Variants in NIPA2 observed in about 807,000 individuals in gnomAD.
The protein encoded by NIPA2 is NIPA magnesium transporter 2, also known as magnesium transporter NIPA2.
In NIPA2, 11 loss-of-function variants were observed where a neutral mutation model predicts 29.7. That is an observed-to-expected ratio of 0.37 (90% CI 0.23 to 0.61). NIPA2 has a LOEUF of 0.61. Among genes scored for constraint, NIPA2 ranks in the 20% least tolerant of loss-of-function variants. NIPA2 has a pLI of 0.66. For missense variants in NIPA2, 426 were observed against 437.9 expected (o/e 0.97, Z 0.24); for synonymous variants, 183 against 161.9 (o/e 1.13, Z -0.99).
intron 5 of NIPA2, among the ~76,000 whole-genome samples, chr15:22,857,835 T>TC (rs1402486909): frequency 3.9e-5 from 2 of 51,578 alleles, no homozygotes; most frequent in Non-Finnish European, 5.9e-5. Context: ...AGACTCCATC[T>TC]CAAAAAAAAA....
Position 22,866,667 on chromosome 15 carries a change from C to A in NIPA2, c.903C>A (p.Asp301Glu). The part of the protein sequence containing the change: ...VGIFLLHAFK[D>E]VSFSLASLPV... ...TATTCTTGTTGCATGCCTTTAAAGA[C>A]GTCAGCTTTAGTCTAGCAAGTCTGC... The change falls in exon 8 of 8, where the codon GAC becomes GAA. Residue 301 changes from aspartate (D) to glutamate (E), a missense_variant. Physicochemically the swap from Asp to Glu is conservative, Grantham distance 45 (BLOSUM62 2). This residue lies in a region of NIPA2 where 357 missense variants were observed against 339.8 expected (regional missense o/e 1.05). Transcript: ENST00000337451. 1 of 1,613,994 alleles carries A rather than the reference C, an allele frequency of 6.2e-7. No homozygotes were observed.
chr15:22,862,128 T>C (rs2058671732), intron 7 of NIPA2, among the ~76,000 whole-genome samples: 1 of 146,496 alleles, frequency 6.8e-6, no homozygotes, highest in Admixed American at 7.0e-5. Flanking sequence ...GCTCACTGCA[T>C]CCTCCGCCTC....
intron 2 of NIPA2, among the ~76,000 whole-genome samples, chr15:22,844,710 C>T (rs1054447078): frequency 2.0e-5 from 3 of 152,112 alleles, no homozygotes; most frequent in Non-Finnish European, 4.4e-5. Flanking sequence ...GCGATGATCG[C>T]GCCACTGCAC....
At chr15:22,840,601 A>T (rs1037061168) in intron 2 of NIPA2, among the ~76,000 whole-genome samples, 1 of 151,828 alleles carries the variant, frequency 6.6e-6, no homozygotes, top group South Asian at 2.1e-4. Context: ...CGCCCGACCT[A>T]AGAGCTCTAA....
chr15:22,849,866 G>GTTA (rs1386769623), intron 3 of NIPA2, among the ~76,000 whole-genome samples: 1 of 151,984 alleles, frequency 6.6e-6, no homozygotes, highest in African/African-American at 2.4e-5. Context: ...CCGACCCAGT[G>GTTA]TTTCAGTATT....
chr15:22,839,481 A>G (rs1896424941), intron 1 of NIPA2, among the ~76,000 whole-genome samples, 174 bp from the exon 2 acceptor site: 1 of 152,208 alleles, frequency 6.6e-6, no homozygotes, highest in Admixed American at 6.5e-5. Context: ...AGGAAATATC[A>G]GAGTCGAGAG....
intron 3 of NIPA2, among the ~76,000 whole-genome samples, chr15:22,850,571 G>T (rs963144944): frequency 1.3e-5 from 2 of 152,200 alleles, no homozygotes; most frequent in South Asian, 4.1e-4. Flanking sequence ...CTGCAGTAAT[G>T]TTATCACTCC....
rs778414428 is a variant in NIPA2 at position 22,866,186 on chromosome 15, CAT to C, written c.449-26_449-25del. 3.8e-6 allele frequency: 6 copies of C among 1,593,436 alleles called. No homozygotes were observed. In the African/African-American group the frequency reaches 6.7e-5, roughly 18 times the overall value. ...TTTAAGAACAACCAACCATTTGACT[CAT>C]GTAACTTTTCTTTGCCTCCTCCAGG... On this transcript the variant is annotated intron_variant, in intron 7 of 7. Transcript: ENST00000337451.
At chr15:22,843,578 T>C (rs1321559608) in intron 2 of NIPA2, among the ~76,000 whole-genome samples, 1 of 152,126 alleles carries the variant, frequency 6.6e-6, no homozygotes, top group African/African-American at 2.4e-5. Flanking sequence ...AATTAAGGCT[T>C]TGTTGAAATG....
Position 22,858,529 on chromosome 15 carries a change from C to CT in NIPA2, c.197-10dup. On this transcript the variant is annotated splice_polypyrimidine_tract_variant and intron_variant, in intron 5 of 7. Transcript: ENST00000337451. ...CTTACCTGAGTTTTTCTTTTGTTGT[C>CT]TGTCTCTAAGTGGGAGCTGGTGAGG... 6.3e-7 allele frequency: 1 copy of CT among 1,590,894 alleles called. No individual in the cohort carries two copies.
intron 7 of NIPA2, among the ~76,000 whole-genome samples, chr15:22,861,050 AC>A (rs1461010902): frequency 6.6e-6 from 1 of 152,034 alleles, no homozygotes; most frequent in Non-Finnish European, 1.5e-5. Context: ...CCTTTTATTT[AC>A]TGTACCTATA....
intron 4 of NIPA2, among the ~76,000 whole-genome samples, chr15:22,852,085 TATC>T (rs1338602096): frequency 2.6e-5 from 4 of 152,216 alleles, no homozygotes; most frequent in Admixed American, 1.3e-4. Flanking sequence ...GTCCTGCAGT[TATC>T]ATCAAAATGG....
intron 7 of NIPA2, among the ~76,000 whole-genome samples, chr15:22,864,279 C>T (rs577755678): frequency 1.3e-5 from 2 of 152,014 alleles, no homozygotes; most frequent in Non-Finnish European, 2.9e-5. Flanking sequence ...CTCAGCCTCC[C>T]GAGTAGCTGG....
chr15:22,854,966 G>A (rs2058072769), intron 5 of NIPA2, among the ~76,000 whole-genome samples: 1 of 152,124 alleles, frequency 6.6e-6, no homozygotes, highest in Non-Finnish European at 1.5e-5. Context: ...AATTTTGAAA[G>A]TTAAGAGGAG....
Position 22,866,317 on chromosome 15 carries a change from T to G in NIPA2, c.553T>G (p.Cys185Gly). ...QTNILVYITI[C>G]SVIGAFSVSC... ...AAACATTCTTGTGTACATAACAATC[T>G]GCTCTGTAATCGGCGCGTTTTCAGT... is the stretch of plus-strand genomic sequence containing the variant. Residue 185 changes from cysteine to glycine, a missense_variant, in exon 8 of 8, where the codon TGC becomes GGC. Physicochemically the swap from Cys to Gly is radical, Grantham distance 159. Around this residue, in one of 3 missense-constraint regions of NIPA2, gnomAD observed 357 missense variants for 339.8 expected, o/e 1.05. Coordinates refer to ENST00000337451, the MANE Select transcript of NIPA2 (RefSeq NM_030922.7). The G allele has an allele frequency of 6.2e-7, 1 of 1,614,086 alleles. No homozygotes were observed. Among genetic ancestry groups the G allele is most frequent in the Non-Finnish European group, 8.5e-7 (1 of 1,179,974 alleles).
In NIPA2 at chr15:22,846,843, T is replaced by TAATAATA. The variant is rs200764393; in HGVS notation, c.-94+1577_-94+1578insATAATAA. Among the ~76,000 whole-genome samples, 245 of 95,460 alleles carry TAATAATA rather than the reference T, an allele frequency of 2.6e-3. 1 individual carries two copies. Among genetic ancestry groups the TAATAATA allele is most frequent in the African/African-American group, 5.1e-3 (157 of 30,698 alleles). 62.6% of individuals were successfully genotyped at this position (95,460 alleles called of 152,430 possible). The stretch of plus-strand genomic sequence containing the variant: ...AAATAATAATAATAATAATAATAAT[T>TAATAATA]ATTATTATTATTATTTAAATTTGGA... On this transcript the variant is annotated intron_variant, in intron 3 of 7. Coordinates refer to ENST00000337451, the MANE Select transcript of NIPA2 (RefSeq NM_030922.7).
intron 3 of NIPA2, among the ~76,000 whole-genome samples, chr15:22,846,102 G>T (rs1264764600): frequency 1.3e-5 from 2 of 152,204 alleles, no homozygotes; most frequent in Non-Finnish European, 2.9e-5. Context: ...AGACGAGATG[G>T]ACGGAAGTTT....
In NIPA2 at chr15:22,866,631, CATT is replaced by C. The variant is rs762845274; in HGVS notation, c.868_870del (p.Ile290del). ...GTACTTTGAGTGGCTTCTTTACAAT[CATT>C]GTGGGGATATTCTTGTTGCATGCCT... On this transcript the variant is annotated inframe_deletion, in exon 8 of 8. Transcript: ENST00000337451. 1.9e-6 allele frequency: 3 copies of C among 1,614,056 alleles called. No individual in the cohort carries two copies. The highest frequency in any genetic ancestry group is 1.7e-5 in the Admixed American group (1 of 60,014).
intron 3 of NIPA2, among the ~76,000 whole-genome samples, chr15:22,846,818 A>AAATAAT (rs1555380233): frequency 0.028 from 3,742 of 135,700 alleles, 80 homozygotes; most frequent in African/African-American, 0.061. Flanking sequence ...CCTGTCTCCA[A>AAATAAT]AATAATAATA....
Sources: gnomAD v4.1 joint callset for allele counts (sites outside exome capture counted in the v4.1 genomes callset) on GRCh38, gnomAD v4.1.1 for gene constraint, gnomAD v4.1.1 regional missense constraint, MANE v1.5 for transcripts, NCBI Gene and HGNC (gene_info 2026-07-23, HGNC 2026-07-21) for gene names.